UAP1: variants seen among roughly 807,000 people sequenced by gnomAD.
UAP1 encodes the protein UDP-N-acetylhexosamine pyrophosphorylase.
Under a neutral mutation model 58.5 loss-of-function variants are expected in UAP1, and 25 were observed. The observed-to-expected ratio is 0.43, with a 90% confidence interval of 0.31 to 0.60. The LOEUF is 0.60. UAP1 is among the 20% of genes least tolerant of loss of function. The pLI, the probability that UAP1 is intolerant of heterozygous loss-of-function variation, is 0.11. For missense variants in UAP1, 575 were observed against 630.0 expected (o/e 0.91, Z 0.93); for synonymous variants, 208 against 213.0 (o/e 0.98, Z 0.21).
At chr1:162,582,982 ATTT>A (rs35829125) in intron 5 of UAP1, among the ~76,000 whole-genome samples, 5 of 146,498 alleles carry the variant, frequency 3.4e-5, no homozygotes, top group Admixed American at 1.4e-4. Flanking sequence ...TCTGAACTGT[ATTT>A]TTTTTTTTTT....
intron 5 of UAP1, among the ~76,000 whole-genome samples, chr1:162,586,508 A>T (rs1654912354): frequency 6.6e-6 from 1 of 152,138 alleles, no homozygotes; most frequent in African/African-American, 2.4e-5. Context: ...TATTTTTTAA[A>T]TAGAAGCCAG....
intron 5 of UAP1, among the ~76,000 whole-genome samples, chr1:162,582,052 G>A (rs1161578115): frequency 1.3e-5 from 2 of 152,196 alleles, no homozygotes; most frequent in East Asian, 3.9e-4. Context: ...TATAGGTGAT[G>A]GCATGTCTTT....
At chr1:162,577,371 T>C (rs575976452) in intron 3 of UAP1, among the ~76,000 whole-genome samples, 1 of 150,298 alleles carries the variant, frequency 6.7e-6, no homozygotes, top group South Asian at 2.1e-4. Flanking sequence ...GTCCTCAGCC[T>C]CTACTAGTAT....
chr1:162,581,039 T>C (rs1033848069), intron 4 of UAP1, among the ~76,000 whole-genome samples: 12 of 152,200 alleles, frequency 7.9e-5, no homozygotes, highest in Admixed American at 5.9e-4. Flanking sequence ...AAGAAAGATA[T>C]GGTTTTTGGG....
rs201954920 is a variant in UAP1, at chr1:162,573,269, TA to T, written c.281-3498del. Among the ~76,000 whole-genome samples, 343 of 146,716 alleles carry T rather than the reference TA, an allele frequency of 2.3e-3. 5 individuals carry two copies. The East Asian group carries it at 0.05, about 21-fold the overall frequency. On this transcript the variant is annotated intron_variant, in intron 2 of 10. Coordinates refer to ENST00000271469, the Ensembl canonical transcript of UAP1. ...ATTTAGGATGGTGGGTAAGACAGACTAAAAAAAAAAGGCAGCACAACCTCTG... is the reference window on the plus strand; with the variant it reads ...ATTTAGGATGGTGGGTAAGACAGACTAAAAAAAAAGGCAGCACAACCTCTG...
chr1:162,581,927 G>A (rs568095844), intron 5 of UAP1, among the ~76,000 whole-genome samples: 15 of 152,284 alleles, frequency 9.9e-5, no homozygotes, highest in African/African-American at 3.1e-4. Context: ...CAATTAAAGA[G>A]GTGAATAACT....
At chr1:162,585,226 T>C (rs189898425) in intron 5 of UAP1, among the ~76,000 whole-genome samples, 11 of 152,154 alleles carry the variant, frequency 7.2e-5, no homozygotes, top group African/African-American at 1.9e-4. Flanking sequence ...TTATGAAATA[T>C]TGAGTACACC....
chr1:162,579,191 G>C (rs563328623), intron 3 of UAP1, among the ~76,000 whole-genome samples: 2 of 152,304 alleles, frequency 1.3e-5, no homozygotes, highest in East Asian at 3.9e-4. Context: ...GGTGTGTTTA[G>C]TATGTTTAAT....
At chr1:162,593,089 A>G (rs902246594) in intron 9 of UAP1, 4 of 412,350 alleles carry the variant, frequency 9.7e-6, no homozygotes, top group Non-Finnish European at 1.7e-5. Context: ...CAGGGAGAAC[A>G]CATTTTGCAC....
chr1:162,588,038 T>C (rs1571083357), intron 6 of UAP1: 1 of 162,900 alleles, frequency 6.1e-6, no homozygotes, highest in Admixed American at 6.3e-5. Flanking sequence ...GAATTAGAAT[T>C]TCAGGAGGTG....
intron 3 of UAP1, among the ~76,000 whole-genome samples, chr1:162,577,502 G>A (rs1320283516): frequency 7.3e-6 from 1 of 136,862 alleles, no homozygotes; most frequent in African/African-American, 2.8e-5. Flanking sequence ...AGGCTGGAGT[G>A]CAGTAGTGCA....
intron 8 of UAP1, among the ~76,000 whole-genome samples, chr1:162,590,959 T>A (rs1462095517): frequency 6.6e-6 from 1 of 151,322 alleles, no homozygotes; most frequent in East Asian, 1.9e-4. Context: ...GAGTCTTGCT[T>A]TGTCACCAGG....
At chr1:162,595,894 C>T (rs1296919352) in intron 9 of UAP1, among the ~76,000 whole-genome samples, 4 of 152,080 alleles carry the variant, frequency 2.6e-5, no homozygotes, top group African/African-American at 7.2e-5. Flanking sequence ...CTCTGTTGCC[C>T]AGGCTGGAGT....
chr1:162,597,802 G>A (rs771484016), exon 10 of UAP1: 1 of 1,613,026 alleles, frequency 6.2e-7, no homozygotes, highest in East Asian at 2.2e-5. Flanking sequence ...CTTGAAGGAT[G>A]CCAATGATGT....
chr1:162,592,533 G>A (rs771499283), intron 8 of UAP1, among the ~76,000 whole-genome samples, 199 bp from the exon 9 acceptor site: 2 of 152,090 alleles, frequency 1.3e-5, no homozygotes, highest in Non-Finnish European at 2.9e-5. Context: ...CTTGCTCTTG[G>A]CATGTCACAT....
chr1:162,587,335 A>G (rs1480995023), intron 5 of UAP1, 140 bp from the exon 6 acceptor site: 2 of 723,636 alleles, frequency 2.8e-6, no homozygotes, highest in African/African-American at 1.8e-5. Flanking sequence ...TGGATAGTTG[A>G]TTGTCTAAAG....
chr1:162,570,132 G>A (rs949013410), intron 2 of UAP1, among the ~76,000 whole-genome samples: 9 of 148,186 alleles, frequency 6.1e-5, no homozygotes, highest in African/African-American at 2.2e-4. Context: ...CTGGTTGACA[G>A]AGCGAGACTC....
chr1:162,595,693 C>G (rs756998641), intron 9 of UAP1, among the ~76,000 whole-genome samples: 6 of 152,154 alleles, frequency 3.9e-5, no homozygotes, highest in Non-Finnish European at 8.8e-5. Context: ...AAATAAGTCA[C>G]TTCTTACAGA....
chr1:162,568,132 G>A (rs1247099114), intron 2 of UAP1, among the ~76,000 whole-genome samples: 1 of 152,150 alleles, frequency 6.6e-6, no homozygotes, highest in African/African-American at 2.4e-5. Flanking sequence ...TAGATGTGTA[G>A]TAATACTATA....
Sources: allele counts gnomAD v4.1 joint callset (sites outside exome capture counted in the v4.1 genomes callset), GRCh38; gene constraint gnomAD v4.1.1; transcripts MANE v1.5; gene names NCBI Gene and HGNC (gene_info 2026-07-23, HGNC 2026-07-21).